The following HEXD variants were observed in gnomAD, a reference collection of about 807,000 sequenced individuals.
The protein encoded by HEXD is hexosaminidase D, also known as N-acetyl-beta-galactosaminidase.
Under a neutral mutation model 54.2 loss-of-function variants are expected in HEXD, and 47 were observed. The ratio of observed to expected loss-of-function variants is 0.87; its 90% confidence interval spans 0.69 to 1.11. The LOEUF (loss-of-function observed/expected upper bound fraction) is 1.11. Among genes scored for constraint, HEXD ranks in the 50% least tolerant of loss-of-function variants. HEXD has a pLI of 0.00. For missense variants in HEXD, 576 were observed against 649.2 expected, an observed-to-expected ratio of 0.89 and a Z score of 1.23; for synonymous variants, 293 against 287.6, an observed-to-expected ratio of 1.02 and a Z score of -0.19.
intron 2 of HEXD, chr17:82,420,186 C>G (rs1053942761): frequency 9.3e-6 from 2 of 216,158 alleles, no homozygotes; most frequent in Middle Eastern, 1.5e-3. Context: ...CCCCTGGGAC[C>G]TGTGAATGAG....
chr17:82,426,076 G>C (rs939520318), intron 3 of HEXD: 3 of 151,394 alleles, frequency 2.0e-5, no homozygotes, highest in Non-Finnish European at 4.4e-5. Context: ...GAAAGACAGA[G>C]AGAGAGAGGG....
At chr17:82,420,353 A>T (rs1190959371) in intron 2 of HEXD, 1 of 152,612 alleles carries the variant, frequency 6.6e-6, no homozygotes, top group African/African-American at 2.4e-5. Context: ...AAGACCCAGG[A>T]GGATGCCCCG....
chr17:82,433,124 A>ATTT (rs1464263689), intron 4 of HEXD, among the ~76,000 whole-genome samples: 4 of 16,042 alleles, frequency 2.5e-4, no homozygotes, highest in Non-Finnish European at 3.6e-4. Flanking sequence ...ATATATATAT[A>ATTT]TATATTTTTT....
At chr17:82,437,083 C>T (rs1872656024) in intron 7 of HEXD, 85 bp from the exon 8 acceptor site, 1 of 1,250,664 alleles carries the variant, frequency 8.0e-7, no homozygotes, top group African/African-American at 1.5e-5. Context: ...CCCATGTTGG[C>T]TCTGGGTACA....
chr17:82,424,993 AGAGAAGGCCG>A (rs1386606161), intron 3 of HEXD, among the ~76,000 whole-genome samples: 12 of 151,674 alleles, frequency 7.9e-5, no homozygotes, highest in African/African-American at 2.4e-4. Flanking sequence ...AGGCTGGGCT[AGAGAAGGCCG>A]GAGAAGGCTG....
chr17:82,423,774 C>T (rs1251153585), intron 2 of HEXD, among the ~76,000 whole-genome samples: 1 of 149,012 alleles, frequency 6.7e-6, no homozygotes, highest in Non-Finnish European at 1.5e-5. Context: ...GATCACGCCA[C>T]TCCACTCCAG....
chr17:82,423,296 C>T (rs1388461591), intron 2 of HEXD: 2 of 152,228 alleles, frequency 1.3e-5, no homozygotes, highest in African/African-American at 2.4e-5. Flanking sequence ...CTCTGATGGT[C>T]CGCGTGGCCT....
chr17:82,433,112 ATATATATATATATATATT>A (rs1490832464), intron 4 of HEXD, among the ~76,000 whole-genome samples: 1 of 18,496 alleles, frequency 5.4e-5, no homozygotes, highest in African/African-American at 4.3e-4. Context: ...ATATATATAT[ATATATATATATATATATT>A]TTTTTTTTTT....
intron 9 of HEXD, chr17:82,440,032 C>T: frequency 7.5e-7 from 1 of 1,332,786 alleles, no homozygotes; most frequent in Non-Finnish European, 9.8e-7. Context: ...CACACACGTC[C>T]TGCCCACCTG....
At chr17:82,441,746 G>A (rs2053982175) in intron 11 of HEXD, 54 bp from the exon 12 acceptor site, 14 of 1,377,276 alleles carry the variant, frequency 1.0e-5, no homozygotes, top group South Asian at 4.6e-5. Flanking sequence ...CTGCAAAGCC[G>A]CCCCACGGCT....
At chr17:82,440,567 A>T (rs1004589121) in intron 9 of HEXD, 1 of 318,972 alleles carries the variant, frequency 3.1e-6, no homozygotes. Context: ...ATTTCCATGA[A>T]CACCAAGTCG....
At chr17:82,429,441 G>A (rs1425058771) in intron 4 of HEXD, among the ~76,000 whole-genome samples, 2 of 151,882 alleles carry the variant, frequency 1.3e-5, no homozygotes, top group Admixed American at 6.6e-5. Context: ...TACACATGTC[G>A]GTGTTCTGGG....
At chr17:82,433,031 A>T (rs1416066612) in intron 4 of HEXD, among the ~76,000 whole-genome samples, 4 of 127,804 alleles carry the variant, frequency 3.1e-5, no homozygotes, top group African/African-American at 8.8e-5. Flanking sequence ...ATGCCACTGC[A>T]CTCCAGACTG....
At chr17:82,439,393 C>A in intron 8 of HEXD, 1 of 976,292 alleles carries the variant, frequency 1.0e-6, no homozygotes, top group Non-Finnish European at 1.2e-6. Context: ...AGCATTGCAG[C>A]AAGGAATCCC....
At chr17:82,428,300 T>A (rs2053476962) in intron 3 of HEXD, among the ~76,000 whole-genome samples, 1 of 152,164 alleles carries the variant, frequency 6.6e-6, no homozygotes, top group African/African-American at 2.4e-5. Flanking sequence ...TAGTTTCTTG[T>A]AAAATGTGAT....
intron 6 of HEXD, 69 bp from the exon 7 acceptor site, chr17:82,436,598 C>T (rs888841514): frequency 2.3e-6 from 3 of 1,309,494 alleles, no homozygotes; most frequent in African/African-American, 2.9e-5. Flanking sequence ...AAAACGAGAA[C>T]AGGTGGGTCC....
At position 82,442,288 on chromosome 17, in the gene HEXD, GC is replaced by G. The variant is rs754180729; in HGVS notation, c.1366del (p.Gln456SerfsTer101). The stretch of plus-strand genomic sequence containing the variant: ...TGGAGGAAAACGTGCACCCCAGCCT[GC>G]AGCGGCTGCAAGCTCTGCTGCAGGA... ...WLEENVHPSL[Q>X]RLQALLQDLS... On this transcript the variant is annotated frameshift_variant, in exon 13 of 13. Coordinates refer to ENST00000327949, the MANE Select transcript of HEXD (RefSeq NM_001330542.2). LOFTEE classifies it low-confidence loss of function (END_TRUNC). The surrounding 1 kb of genome is among the most constrained non-coding windows in gnomAD (Gnocchi z 6.8). The G allele has an allele frequency of 6.2e-7, 1 of 1,608,140 alleles. No homozygotes were observed. Among genetic ancestry groups the G allele is most frequent in the Non-Finnish European group, 8.5e-7 (1 of 1,179,922 alleles).
chr17:82,433,489 T>A (rs1358122908), intron 4 of HEXD, among the ~76,000 whole-genome samples, 169 bp from the exon 5 acceptor site: 2 of 152,184 alleles, frequency 1.3e-5, no homozygotes, highest in Admixed American at 6.5e-5. Flanking sequence ...AGTTCAAACA[T>A]TCTACCCACC....
chr17:82,433,963 C>T (rs1013920429), intron 5 of HEXD, 141 bp downstream of exon 5: 87 of 782,106 alleles, frequency 1.1e-4, no homozygotes, highest in African/African-American at 2.2e-4. Context: ...ACATCTTCTC[C>T]GAGTGGATGG....
Sources: gnomAD v4.1 joint callset for allele counts (sites outside exome capture counted in the v4.1 genomes callset) on GRCh38, gnomAD v4.1.1 for gene constraint, Gnocchi (gnomAD v3.1) non-coding constraint, MANE v1.5 for transcripts, NCBI Gene and HGNC (gene_info 2026-07-23, HGNC 2026-07-21) for gene names.